The following ADGRD1 variants were observed in gnomAD, a reference collection of about 807,000 sequenced individuals.
The protein encoded by ADGRD1 is G-protein coupled receptor 133.
ADGRD1 carries 77 observed loss-of-function variants against 113.4 expected under a neutral mutation model. The ratio of observed to expected loss-of-function variants is 0.68; its 90% CI spans 0.57 to 0.82. ADGRD1 has a LOEUF of 0.82. Ranked by LOEUF, ADGRD1 falls within the 40% of genes least tolerant of loss-of-function variation. ADGRD1 has a pLI of 0.00. For missense variants in ADGRD1, 1,036 were observed against 1,139.1 expected (o/e 0.91, Z 1.30); for synonymous variants, 474 against 475.0 (o/e 1.00, Z 0.03).
chr12:131,042,088 G>A (rs1466513341), intron 13 of ADGRD1, among the ~76,000 whole-genome samples: 1 of 152,230 alleles, frequency 6.6e-6, no homozygotes, highest in Non-Finnish European at 1.5e-5. Flanking sequence ...GGTGAGGAAA[G>A]GGGGCCACTG....
At position 131,060,346 on chromosome 12, in the gene ADGRD1, C is replaced by T. The variant is rs1884214842; in HGVS notation, c.1474-16455C>T. ...CTAATTACTGCCTGTCTAGGTGGCC[C>T]CTTTCCTGGTCCTCTGTGGTTACTG... is the stretch of plus-strand genomic sequence containing the variant. On this transcript the variant is annotated intron_variant, in intron 13 of 24. Coordinates refer to ENST00000261654, the MANE Select transcript of ADGRD1 (RefSeq NM_198827.5). This position sits in a 1 kb window ranked among gnomAD's most constrained non-coding sequence, Gnocchi z 4.4. Among the ~76,000 whole-genome samples the T allele has an allele frequency of 6.6e-6, 1 of 152,216 alleles. No homozygotes were observed. The highest frequency in any genetic ancestry group is 2.4e-5 in the African/African-American group (1 of 41,462).
chr12:131,048,236 T>G (rs556947306), intron 13 of ADGRD1, among the ~76,000 whole-genome samples: 6 of 152,298 alleles, frequency 3.9e-5, no homozygotes, highest in Admixed American at 3.9e-4. Flanking sequence ...CAGCAGTGCT[T>G]CTGACACTGT....
rs534974047 is a variant in ADGRD1, at chr12:130,966,954, C to T, written c.187+408C>T. On this transcript the variant is annotated intron_variant, in intron 3 of 24. Transcript: ENST00000261654. The surrounding 1 kb of genome is among the most constrained non-coding windows in gnomAD (Gnocchi z 4.6). ...TTTACTAGAATTTTTATAGAGAGAGCTATTGCGTATTGAATGGGAGAATTT... is the reference window on the plus strand; with the variant it reads ...TTTACTAGAATTTTTATAGAGAGAGTTATTGCGTATTGAATGGGAGAATTT... The T allele has an allele frequency of 1.6e-5, 7 of 446,968 alleles. No homozygotes were observed. Among genetic ancestry groups the T allele is most frequent in the Non-Finnish European group, 3.2e-5 (7 of 218,850 alleles). The allele number at this position is 446,968 out of a possible 1,614,324, so 27.7% of individuals were successfully genotyped here.
intron 20 of ADGRD1, among the ~76,000 whole-genome samples, chr12:131,123,515 G>A (rs1950657882): frequency 6.6e-6 from 1 of 151,830 alleles, no homozygotes; most frequent in African/African-American, 2.4e-5. Context: ...GCTGAATGGG[G>A]CAGCCTTAAA....
chr12:131,047,846 G>C (rs1882995996), intron 13 of ADGRD1, among the ~76,000 whole-genome samples: 1 of 152,194 alleles, frequency 6.6e-6, no homozygotes, highest in Non-Finnish European at 1.5e-5. Context: ...CTGATGGCCT[G>C]CTTCTCCCTC....
intron 16 of ADGRD1, among the ~76,000 whole-genome samples, 167 bp downstream of exon 16, chr12:131,105,101 G>C (rs1468428693): frequency 6.6e-6 from 1 of 152,172 alleles, no homozygotes; most frequent in East Asian, 1.9e-4. Context: ...AATTCTGGTG[G>C]AACCCGAGCC....
chr12:131,070,049 A>G, intron 13 of ADGRD1: 1 of 152,196 alleles, frequency 6.6e-6, no homozygotes. Flanking sequence ...TGAAGCCACA[A>G]GCAAAGGCCT....
Position 131,103,686 on chromosome 12 carries a change from C to T in ADGRD1, c.1672-1145C>T, listed in dbSNP as rs139160746. Among the ~76,000 whole-genome samples, 209 of 152,322 alleles carry T rather than the reference C, an allele frequency of 1.4e-3. 2 individuals carry two copies. The South Asian group carries it at 0.026, about 19-fold the overall frequency. On this transcript the variant is annotated intron_variant, in intron 15 of 24. Coordinates refer to ENST00000261654, the MANE Select transcript of ADGRD1 (RefSeq NM_198827.5). ...CCTTTTGTTCCTTTGTCCTGGTGAT[C>T]GGGGAGAAGGCATTTAGACTCCCCC...
chr12:131,077,454 C>G (rs1885715605), intron 14 of ADGRD1, among the ~76,000 whole-genome samples: 1 of 152,246 alleles, frequency 6.6e-6, no homozygotes, highest in African/African-American at 2.4e-5. Flanking sequence ...CTCCTAGCCC[C>G]TGCCCCAGCT....
chr12:131,131,740 C>T lies in ADGRD1; in HGVS notation c.2191C>T (p.Leu731Phe). The T allele has an allele frequency of 6.2e-7, 1 of 1,610,178 alleles. No homozygotes were observed. Among genetic ancestry groups the T allele is most frequent in the Non-Finnish European group, 8.5e-7 (1 of 1,177,922 alleles). ...TCTTGTGCAGGTCAACATTGGCATC[C>T]TCATCGCTGTGACCAGAGTCATCTC... is the stretch of plus-strand genomic sequence containing the variant. ...LFVIVVNIGILIAVTRVISQI... is the reference protein window; with the variant it reads ...LFVIVVNIGIFIAVTRVISQI... The change falls in exon 21 of 25, where the codon CTC becomes TTC. Residue 731 changes from leucine (L) to phenylalanine (F), a missense_variant. Transcript: ENST00000261654.
In ADGRD1 at chr12:131,136,176, G is replaced by C; in HGVS notation, c.2394+13G>C. The C allele has an allele frequency of 6.2e-7, 1 of 1,613,354 alleles. No homozygotes were observed. Among genetic ancestry groups the C allele is most frequent in the Non-Finnish European group, 8.5e-7 (1 of 1,179,770 alleles). Reference sequence around the variant, plus strand: ...CAACTCCCTGCAGGTGAGAGCCGCGGGGACTGGCGGGGAGGCAGGGCCGCC... The same window carrying C: ...CAACTCCCTGCAGGTGAGAGCCGCGCGGACTGGCGGGGAGGCAGGGCCGCC... On this transcript the variant is annotated intron_variant, in intron 22 of 24. Coordinates refer to ENST00000261654, the MANE Select transcript of ADGRD1 (RefSeq NM_198827.5).
At position 130,982,006 on chromosome 12, in the gene ADGRD1, G is replaced by C. The variant is rs146945782; in HGVS notation, c.433G>C (p.Val145Leu). 601 of 1,613,900 alleles carry C rather than the reference G, an allele frequency of 3.7e-4. No homozygotes were observed. The highest frequency in any genetic ancestry group is 4.8e-4 in the Non-Finnish European group (567 of 1,179,914). The stretch of plus-strand genomic sequence containing the variant: ...CTGCTCCAGCGGTGGCAGAGGCTCT[G>C]TGGAGCTGTATACGCGGGACAATTC... ...KVCSSGGRGS[V>L]ELYTRDNSMT... The change falls in exon 5 of 25, where the codon GTG (valine) becomes CTG (leucine). Residue 145 changes from valine (V) to leucine (L), a missense_variant. Physicochemically the swap from Val to Leu is conservative, Grantham distance 32 (BLOSUM62 1). Transcript: ENST00000261654.
Position 131,139,388 on chromosome 12 carries a change from G to A in ADGRD1, c.*125G>A, listed in dbSNP as rs1593286170. 2.5e-5 allele frequency: 17 copies of A among 676,870 alleles called. No individual in the cohort carries two copies. The highest frequency in any genetic ancestry group is 7.0e-5 in the South Asian group (4 of 57,542). 41.9% of individuals were successfully genotyped at this position (676,870 alleles called of 1,614,324 possible). A position where few individuals can be genotyped will look rare whatever the true frequency, so the allele number is the denominator to read the frequency against. ...GTCTGGACATGGGTGTTGTGGCCCC[G>A]AGACAGCTGTCCTCCCCTGTGACTC... is the stretch of plus-strand genomic sequence containing the variant. On this transcript the variant is annotated 3_prime_UTR_variant, in exon 25 of 25. Coordinates refer to ENST00000261654, the MANE Select transcript of ADGRD1 (RefSeq NM_198827.5).
rs1194041129 is a variant in ADGRD1, at chr12:131,113,786, C to T, written c.2042-4599C>T. 2.0e-5 allele frequency among the ~76,000 whole-genome samples: 3 copies of T among 152,180 alleles called. No individual in the cohort carries two copies. The highest frequency in any genetic ancestry group is 2.9e-5 in the Non-Finnish European group (2 of 68,038). ...TTTTGCACACGCTGGTCCTGAGGCC[C>T]GTGTCCTCTGCCCTCCCTCCAGGTC... On this transcript the variant is annotated intron_variant, in intron 18 of 24. Transcript: ENST00000261654. The surrounding 1 kb of genome is among the most constrained non-coding windows in gnomAD (Gnocchi z 4.9).
At chr12:131,020,904 C>T (rs935263962) in intron 13 of ADGRD1, among the ~76,000 whole-genome samples, 2 of 152,194 alleles carry the variant, frequency 1.3e-5, no homozygotes, top group African/African-American at 4.8e-5. Flanking sequence ...TTGTGACTTT[C>T]GAAGAGCAGC....
At chr12:131,137,810 G>GTCCCCCCCCCCCCCCCCCC in intron 23 of ADGRD1, 1 of 158,826 alleles carries the variant, frequency 6.3e-6, no homozygotes, top group Non-Finnish European at 1.4e-5. Flanking sequence ...AGCCATGGAA[G>GTCCCCCCCCCCCCCCCCCC]CCCGCCCGCC....
intron 13 of ADGRD1, among the ~76,000 whole-genome samples, chr12:131,043,440 C>T (rs1346875562): frequency 6.6e-6 from 1 of 152,246 alleles, no homozygotes; most frequent in Non-Finnish European, 1.5e-5. Flanking sequence ...GCTCCTCCAG[C>T]AGCCACGCTC....
intron 13 of ADGRD1, among the ~76,000 whole-genome samples, chr12:131,061,781 C>T (rs1884351450): frequency 6.6e-6 from 1 of 152,210 alleles, no homozygotes; most frequent in South Asian, 2.1e-4. Flanking sequence ...CTCCTCGTTG[C>T]TATCCTGCCT....
intron 20 of ADGRD1, among the ~76,000 whole-genome samples, chr12:131,124,103 G>C (rs997405557): frequency 4.6e-5 from 7 of 152,220 alleles, no homozygotes; most frequent in African/African-American, 1.7e-4. Flanking sequence ...GCCTACCCCT[G>C]CGGGGAGTGC....
Sources: gnomAD v4.1 joint callset for allele counts (sites outside exome capture counted in the v4.1 genomes callset) on GRCh38, gnomAD v4.1.1 for gene constraint, Gnocchi (gnomAD v3.1) non-coding constraint, MANE v1.5 for transcripts, NCBI Gene and HGNC (gene_info 2026-07-23, HGNC 2026-07-21) for gene names.